Variants in CACNA1E observed in about 807,000 individuals in gnomAD.
The protein encoded by CACNA1E is calcium voltage-gated channel subunit alpha1 E, also known as voltage-dependent R-type calcium channel subunit alpha-1E.
In CACNA1E, 40 loss-of-function variants were observed where a neutral mutation model predicts 259.2. The observed-to-expected ratio is 0.15, with a 90% CI of 0.12 to 0.20. CACNA1E has a LOEUF of 0.20. Ranked by LOEUF, CACNA1E falls within the 10% of genes least tolerant of loss-of-function variation. The probability of loss-of-function intolerance (pLI) is 1.00; values close to 1 mark genes in which losing one functional copy is unlikely to be tolerated. For missense variants in CACNA1E, 1,874 were observed against 3,040.1 expected (o/e 0.62, Z 9.02); for synonymous variants, 1,104 against 1,138.5 (o/e 0.97, Z 0.61).
chr1:181,600,368 C>A (rs1252030768), intron 6 of CACNA1E, among the ~76,000 whole-genome samples: 1 of 152,318 alleles, frequency 6.6e-6, no homozygotes, highest in African/African-American at 2.4e-5. Flanking sequence ...GTGCTTTGAA[C>A]AGATGAGGTA....
At chr1:181,577,964 T>C in intron 4 of CACNA1E, 95 bp downstream of exon 4, 1 of 753,358 alleles carries the variant, frequency 1.3e-6, no homozygotes, top group Non-Finnish European at 2.2e-6. Context: ...AAACAAACAA[T>C]ATTCCTCCTG....
intron 2 of CACNA1E, among the ~76,000 whole-genome samples, chr1:181,468,513 A>C (rs1463153833): frequency 6.6e-6 from 1 of 152,152 alleles, no homozygotes; most frequent in Non-Finnish European, 1.5e-5. Context: ...CATTCATTTA[A>C]TAAACATGTA....
chr1:181,334,680 C>T (rs1264285618), intron 1 of CACNA1E, among the ~76,000 whole-genome samples: 1 of 152,216 alleles, frequency 6.6e-6, no homozygotes, highest in Non-Finnish European at 1.5e-5. Context: ...TTCTCACCAC[C>T]TCCACTGCTA....
chr1:181,438,980 C>T (rs954051698), intron 2 of CACNA1E, among the ~76,000 whole-genome samples: 2 of 152,096 alleles, frequency 1.3e-5, no homozygotes, highest in African/African-American at 2.4e-5. Flanking sequence ...AGTGGAGAAG[C>T]GACAGCCTAA....
chr1:181,710,829 G>T, intron 7 of CACNA1E, 125 bp from the exon 8 acceptor site: 2 of 677,878 alleles, frequency 3.0e-6, no homozygotes, highest in Admixed American at 4.6e-5. Context: ...CCTGGGTCAG[G>T]GGAAAGGGTA....
At chr1:181,762,553 A>G (rs1658678124) in intron 32 of CACNA1E, 21 bp from the exon 33 acceptor site, 13 of 1,434,906 alleles carry the variant, frequency 9.1e-6, no homozygotes, top group East Asian at 2.3e-5. Context: ...TGATGTTCCT[A>G]TGACTGAATT....
chr1:181,348,030 A>G (rs1241181238), intron 1 of CACNA1E, among the ~76,000 whole-genome samples: 1 of 152,188 alleles, frequency 6.6e-6, no homozygotes, highest in Admixed American at 6.5e-5. Context: ...CCAGGGCCAG[A>G]CCTTCCACCC....
chr1:181,640,998 C>T (rs903140277), intron 6 of CACNA1E, among the ~76,000 whole-genome samples: 1 of 152,164 alleles, frequency 6.6e-6, no homozygotes, highest in African/African-American at 2.4e-5. Flanking sequence ...TAAATAAGTG[C>T]AAATAAATGC....
chr1:181,562,331 A>G (rs1649409123), intron 3 of CACNA1E, among the ~76,000 whole-genome samples: 1 of 152,222 alleles, frequency 6.6e-6, no homozygotes, highest in Non-Finnish European at 1.5e-5. Context: ...TTTAATAGGC[A>G]TGACAGGCCA....
chr1:181,529,868 C>T lies in CACNA1E; in HGVS notation c.512+18358C>T, dbSNP rs147206883. Among the ~76,000 whole-genome samples, 811 of 152,280 alleles carry T rather than the reference C, an allele frequency of 5.3e-3. 10 individuals are homozygous for T. Among genetic ancestry groups the T allele is most frequent in the African/African-American group, 0.016 (663 of 41,538 alleles). On this transcript the variant is annotated intron_variant, in intron 3 of 47. Transcript: ENST00000367573. Reference sequence around the variant, plus strand: ...CATAGGTGGAAGGGACTTGCCTTGCCTCAGATAAGACTTTGGACTGTGGAC... The same window carrying T: ...CATAGGTGGAAGGGACTTGCCTTGCTTCAGATAAGACTTTGGACTGTGGAC...
chr1:181,730,804 G>A (rs955372846), intron 18 of CACNA1E, among the ~76,000 whole-genome samples: 9 of 152,342 alleles, frequency 5.9e-5, no homozygotes, highest in African/African-American at 1.9e-4. Context: ...GGGAGGGGAA[G>A]AAAACTACTC....
chr1:181,776,298 T>A lies in CACNA1E; in HGVS notation c.5267+70T>A, dbSNP rs1659969338. On this transcript the variant is annotated intron_variant, in intron 38 of 47. Coordinates refer to ENST00000367573, the MANE Select transcript of CACNA1E (RefSeq NM_001205293.3). This position sits in a 1 kb window ranked among gnomAD's most constrained non-coding sequence, Gnocchi z 4.4. ...TCTCTGGAGTTCCCAGGGAAGAGGCTGGAATTGGAGCCACCCAAATGCCTG... is the reference window on the plus strand; with the variant it reads ...TCTCTGGAGTTCCCAGGGAAGAGGCAGGAATTGGAGCCACCCAAATGCCTG... 30 of 1,540,992 alleles carry A rather than the reference T, an allele frequency of 1.9e-5. No homozygotes were observed. The highest frequency in any genetic ancestry group is 2.7e-5 in the Non-Finnish European group (30 of 1,114,746).
chr1:181,745,876 C>T (rs1027952927), intron 25 of CACNA1E, among the ~76,000 whole-genome samples: 3 of 152,240 alleles, frequency 2.0e-5, no homozygotes, highest in African/African-American at 7.2e-5. Flanking sequence ...ATGCTCTGCT[C>T]TCTCCTGCTG....
intron 14 of CACNA1E, 95 bp from the exon 15 acceptor site, chr1:181,720,688 G>C: frequency 6.4e-6 from 5 of 779,526 alleles, no homozygotes; most frequent in Non-Finnish European, 1.1e-5. Flanking sequence ...GTAGAAGAAA[G>C]GAGAAAAGAA....
chr1:181,386,511 T>C (rs540042047), intron 1 of CACNA1E, among the ~76,000 whole-genome samples: 12 of 152,106 alleles, frequency 7.9e-5, no homozygotes, highest in African/African-American at 2.9e-4. Context: ...CCGAAGGGGG[T>C]GAGGACAATC....
intron 6 of CACNA1E, among the ~76,000 whole-genome samples, chr1:181,646,470 T>A (rs1658274023): frequency 1.3e-5 from 2 of 152,072 alleles, no homozygotes; most frequent in African/African-American, 4.8e-5. Flanking sequence ...CCAGAGACCC[T>A]TTGCTTCTGA....
intron 1 of CACNA1E, among the ~76,000 whole-genome samples, chr1:181,506,976 C>T (rs1030645140): frequency 3.9e-5 from 6 of 151,962 alleles, no homozygotes; most frequent in African/African-American, 1.5e-4. Context: ...ATCCTGAGGT[C>T]TAGATGCCCT....
chr1:181,426,760 C>G (rs1427502919), intron 2 of CACNA1E, among the ~76,000 whole-genome samples: 1 of 149,938 alleles, frequency 6.7e-6, no homozygotes, highest in Admixed American at 6.6e-5. Context: ...CGTCTCAACC[C>G]CTGTCAATCT....
At chr1:181,531,623 T>A (rs7554158) in intron 3 of CACNA1E, among the ~76,000 whole-genome samples, 19,929 of 152,216 alleles carry the variant, frequency 0.13, 1,410 homozygotes, top group South Asian at 0.18. Context: ...TGTTCACTCA[T>A]ACTTTGCCCA....
Sources: allele counts gnomAD v4.1 joint callset (sites outside exome capture counted in the v4.1 genomes callset), GRCh38; gene constraint gnomAD v4.1.1; non-coding constraint Gnocchi (gnomAD v3.1); transcripts MANE v1.5; gene names NCBI Gene and HGNC (gene_info 2026-07-23, HGNC 2026-07-21).